Variants in LPP observed in about 807,000 individuals in gnomAD.
The protein encoded by LPP is lipoma-preferred partner.
LPP carries 38 observed loss-of-function variants against 60.4 expected under a neutral mutation model. That is an observed-to-expected ratio of 0.63 (90% CI 0.49 to 0.83). The LOEUF is 0.83. LPP is among the 40% of genes least tolerant of loss of function. The pLI is 0.00. For missense variants in LPP, 902 were observed against 783.6 expected, an observed-to-expected ratio of 1.15 and a Z score of -1.80; for synonymous variants, 328 against 290.8, an observed-to-expected ratio of 1.13 and a Z score of -1.30.
chr3:188,379,294 G>C (rs1776210656), intron 3 of LPP, among the ~76,000 whole-genome samples: 1 of 152,112 alleles, frequency 6.6e-6, no homozygotes, highest in African/African-American at 2.4e-5. Context: ...TTCTGAGGGG[G>C]CTTGGTGGAA....
intron 1 of LPP, among the ~76,000 whole-genome samples, chr3:188,201,958 G>C (rs976983366): frequency 2.6e-5 from 4 of 151,830 alleles, no homozygotes; most frequent in African/African-American, 9.7e-5. Flanking sequence ...TCAAGCAGAG[G>C]GGACAAGGTG....
intron 9 of LPP, among the ~76,000 whole-genome samples, chr3:188,853,367 A>T (rs564652758): frequency 2.0e-5 from 3 of 152,356 alleles, no homozygotes; most frequent in Non-Finnish European, 2.9e-5. Flanking sequence ...GTTCTCTGCT[A>T]TGGTGCTGTG....
At chr3:188,708,957 T>C (rs1866049909) in intron 8 of LPP, 1 of 152,522 alleles carries the variant, frequency 6.6e-6, no homozygotes, top group Non-Finnish European at 1.5e-5. Context: ...TAGGCAGAAA[T>C]AGGATTTCTG....
intron 6 of LPP, among the ~76,000 whole-genome samples, chr3:188,542,927 GT>G (rs1480868441): frequency 6.6e-6 from 1 of 152,200 alleles, no homozygotes; most frequent in Non-Finnish European, 1.5e-5. Context: ...TTAAAAGGAA[GT>G]TTCAGAAGAT....
Position 188,345,086 on chromosome 3 carries a change from G to A in LPP, c.-10+3367G>A, listed in dbSNP as rs545550993. Among the ~76,000 whole-genome samples, 38 of 152,258 alleles carry A rather than the reference G, an allele frequency of 2.5e-4. 1 individual carries two copies. In the South Asian group the frequency reaches 7.9e-3, roughly 32 times the overall value. On this transcript the variant is annotated intron_variant, in intron 3 of 11. Coordinates refer to ENST00000617246, the MANE Select transcript of LPP (RefSeq NM_001375462.1). ...TAGTGTCTGGGAGGGAATCTGATTT[G>A]TCTAAAGTGTTTTTGACTGATCTTG...
intron 2 of LPP, among the ~76,000 whole-genome samples, chr3:188,288,793 A>ATC (rs1385603260): frequency 2.1e-5 from 3 of 143,208 alleles, no homozygotes; most frequent in Admixed American, 7.0e-5. Flanking sequence ...CTTAAAATCA[A>ATC]TCTCTCTCTC....
At chr3:188,267,061 A>G (rs1281712871) in intron 2 of LPP, among the ~76,000 whole-genome samples, 1 of 152,158 alleles carries the variant, frequency 6.6e-6, no homozygotes, top group Non-Finnish European at 1.5e-5. Context: ...TCCCTCCTCC[A>G]AGCAGGAAGA....
At chr3:188,426,786 T>C (rs1789485231) in intron 4 of LPP, among the ~76,000 whole-genome samples, 1 of 152,182 alleles carries the variant, frequency 6.6e-6, no homozygotes, top group African/African-American at 2.4e-5. Context: ...CTGCTTTTTT[T>C]TGCTTTCCGT....
At chr3:188,860,553 T>G (rs1764938977) in intron 9 of LPP, among the ~76,000 whole-genome samples, 1 of 152,024 alleles carries the variant, frequency 6.6e-6, no homozygotes. Context: ...CCAAATATGG[T>G]GCATCCGGAA....
intron 5 of LPP, among the ~76,000 whole-genome samples, chr3:188,515,616 G>A (rs6807897): frequency 0.14 from 21,679 of 152,046 alleles, 2,073 homozygotes; most frequent in African/African-American, 0.27. Flanking sequence ...TCAGATTATG[G>A]AAATGTATTC....
At chr3:188,344,258 GGAAA>G (rs1198362148) in intron 3 of LPP, among the ~76,000 whole-genome samples, 17 of 152,144 alleles carry the variant, frequency 1.1e-4, no homozygotes, top group Admixed American at 1.1e-3. Flanking sequence ...ATAATTTGGT[GGAAA>G]CAGTCCTAGT....
At chr3:188,391,163 A>G (rs1446644887) in intron 3 of LPP, among the ~76,000 whole-genome samples, 1 of 152,282 alleles carries the variant, frequency 6.6e-6, no homozygotes. Context: ...TCATTCATCT[A>G]GCCCCCTGGG....
At chr3:188,851,815 G>A (rs9840577) in intron 9 of LPP, among the ~76,000 whole-genome samples, 13,735 of 152,218 alleles carry the variant, frequency 0.09, 770 homozygotes, top group African/African-American at 0.16. Context: ...AAAAATTAGT[G>A]TCTGAAAGGA....
intron 6 of LPP, among the ~76,000 whole-genome samples, chr3:188,607,167 T>A (rs976490335): frequency 7.4e-6 from 1 of 134,248 alleles, no homozygotes; most frequent in Non-Finnish European, 1.6e-5. Flanking sequence ...ACACACACAC[T>A]ATTTAAACAT....
At chr3:188,558,870 G>A (rs967280133) in intron 6 of LPP, among the ~76,000 whole-genome samples, 1 of 152,084 alleles carries the variant, frequency 6.6e-6, no homozygotes, top group South Asian at 2.1e-4. Context: ...CAAGAAATGT[G>A]TATGACTCAG....
At chr3:188,733,586 A>C (rs1344846350) in intron 8 of LPP, among the ~76,000 whole-genome samples, 1 of 152,146 alleles carries the variant, frequency 6.6e-6, no homozygotes, top group East Asian at 1.9e-4. Context: ...AAGATAATTC[A>C]ATTTTTGTTG....
intron 8 of LPP, among the ~76,000 whole-genome samples, chr3:188,713,031 A>T (rs1444290150): frequency 6.6e-6 from 1 of 152,204 alleles, no homozygotes; most frequent in East Asian, 1.9e-4. Context: ...GTACCAGAAG[A>T]TCACCTCACA....
At chr3:188,530,052 A>C (rs566619222) in intron 6 of LPP, among the ~76,000 whole-genome samples, 1 of 152,076 alleles carries the variant, frequency 6.6e-6, no homozygotes, top group Admixed American at 6.5e-5. Flanking sequence ...AGGTGCAAGA[A>C]TAACAAGAGT....
intron 5 of LPP, among the ~76,000 whole-genome samples, chr3:188,519,629 C>T (rs1320027253): frequency 6.6e-6 from 1 of 151,806 alleles, no homozygotes; most frequent in Non-Finnish European, 1.5e-5. Context: ...ATTAGAAATT[C>T]TTAGGAGATG....
Sources: allele counts gnomAD v4.1 joint callset (sites outside exome capture counted in the v4.1 genomes callset), GRCh38; gene constraint gnomAD v4.1.1; transcripts MANE v1.5; gene names NCBI Gene and HGNC (gene_info 2026-07-23, HGNC 2026-07-21).